Variants in ZNF91 observed in about 807,000 individuals in gnomAD.
ZNF91 encodes the protein zinc finger protein 91.
ZNF91 carries 7 observed loss-of-function variants against 12.6 expected under a neutral mutation model. The ratio of observed to expected loss-of-function variants is 0.55; its 90% CI spans 0.31 to 1.04. The LOEUF (loss-of-function observed/expected upper bound fraction) is 1.04, where lower values mean the gene tolerates loss of function less well. Ranked by LOEUF, ZNF91 falls within the 50% of genes least tolerant of loss-of-function variation. The probability of loss-of-function intolerance (pLI) is 0.05; values close to 1 mark genes in which losing one functional copy is unlikely to be tolerated. For synonymous variants in ZNF91, 453 were observed against 462.6 expected (o/e 0.98, Z 0.27); for missense variants, 1,217 against 1,385.4 (o/e 0.88, Z 1.93).
Position 23,359,789 on chromosome 19 carries a change from T to C in ZNF91, c.3190A>G (p.Thr1064Ala), listed in dbSNP as rs758720295. The change falls in exon 4 of 4, where the codon ACC (threonine) becomes GCC (alanine). Residue 1064 changes from threonine to alanine, a missense_variant. Transcript: ENST00000300619. ...ECGKAFISSSTLNGHKRIHTR... is the reference protein window; with the variant it reads ...ECGKAFISSSALNGHKRIHTR... Reference sequence around the variant, plus strand: ...TGAATTCTCTTATGTCCATTTAGGGTTGAGGATGATATAAATGCTTTGCCA... The same window carrying C: ...TGAATTCTCTTATGTCCATTTAGGGCTGAGGATGATATAAATGCTTTGCCA... 4 of 1,613,730 alleles carry C rather than the reference T, an allele frequency of 2.5e-6. No individual in the cohort carries two copies. The highest frequency in any genetic ancestry group is 2.5e-6 in the Non-Finnish European group (3 of 1,179,980).
intron 1 of ZNF91, among the ~76,000 whole-genome samples, chr19:23,322,551 A>AT (rs779791580): frequency 5.3e-5 from 8 of 152,184 alleles, no homozygotes; most frequent in African/African-American, 7.2e-5. Flanking sequence ...AATAATCTGG[A>AT]TTTTTTATCT....
At chr19:23,368,858 A>T (rs961584318) in intron 3 of ZNF91, among the ~76,000 whole-genome samples, 5 of 151,870 alleles carry the variant, frequency 3.3e-5, no homozygotes, top group Non-Finnish European at 7.4e-5. Context: ...AAATTTTCAT[A>T]AAAAAACACA....
chr19:23,323,679 CCTCT>C (rs564772047), intron 1 of ZNF91, among the ~76,000 whole-genome samples: 130 of 129,314 alleles, frequency 1.0e-3, no homozygotes, highest in South Asian at 5.9e-3. Context: ...CTCTCCTCCT[CCTCT>C]ACTTCTCCTT....
intron 1 of ZNF91, among the ~76,000 whole-genome samples, chr19:23,394,889 G>A (rs1970181394): frequency 6.6e-6 from 1 of 151,954 alleles, no homozygotes; most frequent in Admixed American, 6.6e-5. Context: ...ATCACTCTTT[G>A]ATTAAATTAT....
At chr19:23,317,487 A>G (rs1161555318) in intron 1 of ZNF91, among the ~76,000 whole-genome samples, 1 of 152,192 alleles carries the variant, frequency 6.6e-6, no homozygotes, top group African/African-American at 2.4e-5. Context: ...GGGAGATCTC[A>G]GAGCATATTG....
chr19:23,351,775 C>A (rs530712011), intron 3 of ZNF91, among the ~76,000 whole-genome samples: 1 of 152,132 alleles, frequency 6.6e-6, no homozygotes, highest in Non-Finnish European at 1.5e-5. Context: ...CTGCAGGACC[C>A]GGGAGACACC....
chr19:23,365,648 A>G (rs888438549), intron 3 of ZNF91, among the ~76,000 whole-genome samples: 9 of 151,874 alleles, frequency 5.9e-5, no homozygotes, highest in African/African-American at 1.5e-4. Flanking sequence ...GACAATAGTG[A>G]AGGGAAGGTC....
chr19:23,361,781 G>C lies in ZNF91; in HGVS notation c.1198C>G (p.His400Asp). 1 of 1,610,746 alleles carries C rather than the reference G, an allele frequency of 6.2e-7. No homozygotes were observed. Among genetic ancestry groups the C allele is most frequent in the Non-Finnish European group, 8.5e-7 (1 of 1,177,804 alleles). ...LSTLTKHKIIHAGEKLYKCEE... is the reference protein window; with the variant it reads ...LSTLTKHKIIDAGEKLYKCEE... ...CATTTGTAGAGTTTCTCTCCAGCAT[G>C]TATTATTTTATGTTTAGTAAGGGTT... is the stretch of plus-strand genomic sequence containing the variant. Residue 400 changes from histidine (H) to aspartate (D), a missense_variant, in exon 4 of 4, where the codon CAT (histidine) becomes GAT (aspartate). His to Asp is a moderately conservative substitution (Grantham distance 81). Coordinates refer to ENST00000300619, the MANE Select transcript of ZNF91 (RefSeq NM_003430.4).
chr19:23,335,570 C>T (rs533748167), downstream of ZNF91, among the ~76,000 whole-genome samples: 14 of 152,292 alleles, frequency 9.2e-5, no homozygotes, highest in Non-Finnish European at 1.3e-4. Context: ...AGTTTGATCT[C>T]GGACTGCTGT....
chr19:23,376,118 A>G (rs1330033125), intron 1 of ZNF91, among the ~76,000 whole-genome samples: 2 of 152,182 alleles, frequency 1.3e-5, no homozygotes, highest in African/African-American at 4.8e-5. Context: ...CACTTTCTTA[A>G]TCCTGTAATG....
At chr19:23,347,474 T>A (rs1486267384) in intron 3 of ZNF91, among the ~76,000 whole-genome samples, 1 of 152,132 alleles carries the variant, frequency 6.6e-6, no homozygotes, top group East Asian at 1.9e-4. Context: ...CCCTACAACC[T>A]GTACAAGGCC....
downstream of ZNF91, chr19:23,337,839 G>A (rs774591345): frequency 3.9e-5 from 6 of 152,044 alleles, no homozygotes; most frequent in Non-Finnish European, 8.8e-5. Context: ...TTATGGAACT[G>A]AAGATTTATT....
intron 3 of ZNF91, among the ~76,000 whole-genome samples, chr19:23,373,038 T>C (rs769094483): frequency 6.6e-6 from 1 of 152,162 alleles, no homozygotes; most frequent in Non-Finnish European, 1.5e-5. Flanking sequence ...TGGACCCTTG[T>C]GCAAACCCAG....
intron 1 of ZNF91, among the ~76,000 whole-genome samples, chr19:23,330,203 C>T (rs535582424): frequency 5.3e-5 from 8 of 152,032 alleles, no homozygotes; most frequent in Admixed American, 2.0e-4. Context: ...TTGGGGCGGG[C>T]GCCTGTAATC....
At chr19:23,341,679 G>A (rs1001656877) in intron 3 of ZNF91, among the ~76,000 whole-genome samples, 1 of 151,926 alleles carries the variant, frequency 6.6e-6, no homozygotes, top group Admixed American at 6.6e-5. Context: ...ACAATGATGA[G>A]CTATCACTCG....
At chr19:23,332,342 C>T (rs2145872032) in intron 1 of ZNF91, among the ~76,000 whole-genome samples, 1 of 151,386 alleles carries the variant, frequency 6.6e-6, no homozygotes, top group South Asian at 2.1e-4. Flanking sequence ...TACCAGCATC[C>T]TAATTTTTTT....
At chr19:23,329,843 G>GC (rs1281417167) in intron 1 of ZNF91, among the ~76,000 whole-genome samples, 1 of 152,160 alleles carries the variant, frequency 6.6e-6, no homozygotes, top group African/African-American at 2.4e-5. Context: ...TGTGCTTTAT[G>GC]CAACTCAGGG....
intron 3 of ZNF91, among the ~76,000 whole-genome samples, chr19:23,368,371 C>G (rs1257934011): frequency 8.1e-6 from 1 of 123,970 alleles, no homozygotes; most frequent in Non-Finnish European, 2.0e-5. Context: ...AAAAATTAGC[C>G]AGGCGGGGCG....
intron 1 of ZNF91, chr19:23,380,779 A>G (rs1019977793): frequency 4.6e-5 from 7 of 152,228 alleles, no homozygotes; most frequent in African/African-American, 1.4e-4. Context: ...AGAATTTTAG[A>G]AGATTTTTTT....
Sources: gnomAD v4.1 joint callset for allele counts (sites outside exome capture counted in the v4.1 genomes callset) on GRCh38, gnomAD v4.1.1 for gene constraint, MANE v1.5 for transcripts, NCBI Gene and HGNC (gene_info 2026-07-23, HGNC 2026-07-21) for gene names.